The following SBF2 variants were observed in gnomAD, a reference collection of about 807,000 sequenced individuals.
The protein encoded by SBF2 is myotubularin-related protein 13.
Under a neutral mutation model 225.2 loss-of-function variants are expected in SBF2, and 112 were observed. The ratio of observed to expected loss-of-function variants is 0.50; its 90% CI spans 0.43 to 0.58. The LOEUF is 0.58. Among genes scored for constraint, SBF2 ranks in the 20% least tolerant of loss-of-function variants. The pLI, the probability that SBF2 is intolerant of heterozygous loss-of-function variation, is 0.00. For missense variants in SBF2, 1,996 were observed against 2,206.2 expected (o/e 0.90, Z 1.91); for synonymous variants, 763 against 773.3 (o/e 0.99, Z 0.22).
At chr11:10,269,296 A>G (rs1348826076) in intron 1 of SBF2, among the ~76,000 whole-genome samples, 1 of 152,148 alleles carries the variant, frequency 6.6e-6, no homozygotes, top group East Asian at 1.9e-4. Flanking sequence ...CAACTTAATC[A>G]CAGTATCTTA....
chr11:10,080,781 C>T (rs774717880), intron 2 of SBF2, among the ~76,000 whole-genome samples: 5 of 151,778 alleles, frequency 3.3e-5, no homozygotes, highest in African/African-American at 4.8e-5. Context: ...ATATTCCATG[C>T]AAACAAAAAT....
At chr11:9,808,218 T>G (rs1853962844) in intron 31 of SBF2, 33 bp from the exon 32 acceptor site, 2 of 1,596,282 alleles carry the variant, frequency 1.3e-6, no homozygotes, top group Admixed American at 1.7e-5. Flanking sequence ...TGTCATTAAT[T>G]TTAGTTCTGA....
intron 2 of SBF2, among the ~76,000 whole-genome samples, chr11:10,044,913 A>G (rs972902088): frequency 6.6e-6 from 1 of 152,102 alleles, no homozygotes; most frequent in African/African-American, 2.4e-5. Context: ...TTTTTGCCTG[A>G]GTGCTGGTTT....
intron 2 of SBF2, among the ~76,000 whole-genome samples, chr11:10,121,110 G>A (rs1203571757): frequency 6.6e-6 from 1 of 152,142 alleles, no homozygotes; most frequent in African/African-American, 2.4e-5. Flanking sequence ...AACCTAATGG[G>A]TGCGGTGTGA....
intron 2 of SBF2, among the ~76,000 whole-genome samples, chr11:10,189,797 T>C (rs1328818616): frequency 6.6e-6 from 1 of 152,176 alleles, no homozygotes; most frequent in East Asian, 1.9e-4. Flanking sequence ...ACTGAGATTG[T>C]GGCATATTTT....
intron 13 of SBF2, among the ~76,000 whole-genome samples, chr11:9,983,184 C>T (rs186231294): frequency 1.3e-5 from 2 of 152,308 alleles, no homozygotes; most frequent in Admixed American, 1.3e-4. Flanking sequence ...AGTTTTCAAG[C>T]CCGTCTGGCA....
chr11:10,166,729 G>A (rs765087268), intron 2 of SBF2, among the ~76,000 whole-genome samples: 46 of 152,200 alleles, frequency 3.0e-4, no homozygotes, highest in Non-Finnish European at 2.2e-4. Flanking sequence ...TTGGGAGACC[G>A]AGGTGGGGAG....
chr11:10,210,142 C>T (rs1201786388), intron 1 of SBF2, among the ~76,000 whole-genome samples: 2 of 151,980 alleles, frequency 1.3e-5, no homozygotes, highest in African/African-American at 2.4e-5. Flanking sequence ...TCCATCTCTA[C>T]AAAAAGAACA....
intron 2 of SBF2, among the ~76,000 whole-genome samples, chr11:10,092,685 A>G (rs1951830780): frequency 1.3e-5 from 2 of 152,224 alleles, no homozygotes; most frequent in Admixed American, 1.3e-4. Flanking sequence ...AAGGAATGAA[A>G]GAGGGTACGA....
chr11:9,944,221 G>T (rs1278753660), intron 16 of SBF2, among the ~76,000 whole-genome samples: 3 of 152,190 alleles, frequency 2.0e-5, no homozygotes, highest in Admixed American at 6.5e-5. Flanking sequence ...GCAAAGAAAT[G>T]ATTAAACCAA....
chr11:10,213,312 A>G (rs1474584268), intron 1 of SBF2, among the ~76,000 whole-genome samples: 1 of 152,148 alleles, frequency 6.6e-6, no homozygotes, highest in East Asian at 1.9e-4. Flanking sequence ...TAACTCCCCA[A>G]GTTTGGCATC....
intron 2 of SBF2, among the ~76,000 whole-genome samples, chr11:10,171,634 T>C (rs1207720788): frequency 1.3e-5 from 2 of 152,190 alleles, no homozygotes; most frequent in African/African-American, 2.4e-5. Flanking sequence ...TTTGGCATCA[T>C]AGTAATACTA....
chr11:9,838,161 G>A (rs182001821), intron 26 of SBF2: 2 of 149,318 alleles, frequency 1.3e-5, no homozygotes, highest in African/African-American at 4.9e-5. Context: ...CTTACTACTT[G>A]TTATTTATTC....
chr11:10,085,113 T>C (rs879856923), intron 2 of SBF2, among the ~76,000 whole-genome samples: 1 of 152,202 alleles, frequency 6.6e-6, no homozygotes, highest in Non-Finnish European at 1.5e-5. Context: ...GATGCTGAGG[T>C]AGAGACAAAT....
chr11:10,131,067 T>C (rs1339850209), intron 2 of SBF2, among the ~76,000 whole-genome samples: 2 of 152,218 alleles, frequency 1.3e-5, no homozygotes, highest in African/African-American at 4.8e-5. Flanking sequence ...CTGAGTCATA[T>C]GGTTAAGTGT....
chr11:9,974,265 C>T (rs1946577687), intron 13 of SBF2, among the ~76,000 whole-genome samples: 1 of 152,110 alleles, frequency 6.6e-6, no homozygotes, highest in South Asian at 2.1e-4. Context: ...AACCTATGCA[C>T]TAATTGACAT....
At chr11:10,214,448 C>T (rs1300771451) in intron 1 of SBF2, among the ~76,000 whole-genome samples, 2 of 152,082 alleles carry the variant, frequency 1.3e-5, no homozygotes, top group Non-Finnish European at 2.9e-5. Flanking sequence ...ACGGTGAAAC[C>T]CCATCTCTAC....
At chr11:10,169,574 G>A (rs2135239919) in intron 2 of SBF2, among the ~76,000 whole-genome samples, 1 of 152,214 alleles carries the variant, frequency 6.6e-6, no homozygotes, top group East Asian at 1.9e-4. Context: ...TTATCCGTTT[G>A]TCTGTTGATG....
chr11:10,052,694 T>C (rs1345807795), intron 2 of SBF2, among the ~76,000 whole-genome samples: 1 of 152,162 alleles, frequency 6.6e-6, no homozygotes, highest in Non-Finnish European at 1.5e-5. Context: ...GCTAATATAA[T>C]AATCTCTCAG....
Sources: gnomAD v4.1 joint callset for allele counts (sites outside exome capture counted in the v4.1 genomes callset) on GRCh38, gnomAD v4.1.1 for gene constraint, MANE v1.5 for transcripts, NCBI Gene and HGNC (gene_info 2026-07-23, HGNC 2026-07-21) for gene names.